Variants in PCSK2 observed in about 807,000 individuals in gnomAD.
PCSK2 encodes proprotein convertase subtilisin/kexin type 2, also known as neuroendocrine convertase 2.
In PCSK2, 14 loss-of-function variants were observed where a neutral mutation model predicts 69.7. That is an observed-to-expected ratio of 0.20 (90% CI 0.13 to 0.31). The LOEUF is 0.31. Ranked by LOEUF, PCSK2 falls within the 10% of genes least tolerant of loss-of-function variation. The probability of loss-of-function intolerance (pLI) is 1.00; values close to 1 mark genes in which losing one functional copy is unlikely to be tolerated. For missense variants in PCSK2, 544 were observed against 842.5 expected (o/e 0.65, Z 4.39); for synonymous variants, 307 against 320.7 (o/e 0.96, Z 0.46).
At chr20:17,346,262 T>A (rs150404960) in intron 2 of PCSK2, among the ~76,000 whole-genome samples, 1 of 152,312 alleles carries the variant, frequency 6.6e-6, no homozygotes, top group East Asian at 1.9e-4. Flanking sequence ...GCACTTTCTC[T>A]GTGGGCGCTG....
chr20:17,425,535 C>T (rs767459781), intron 6 of PCSK2, among the ~76,000 whole-genome samples: 4 of 152,068 alleles, frequency 2.6e-5, no homozygotes, highest in Non-Finnish European at 2.9e-5. Flanking sequence ...AACAGTTTAT[C>T]GAGTAGGATC....
intron 4 of PCSK2, among the ~76,000 whole-genome samples, chr20:17,364,929 G>A (rs1048505020): frequency 2.6e-4 from 40 of 152,224 alleles, no homozygotes; most frequent in African/African-American, 9.6e-4. Context: ...GTCAAAAAGA[G>A]TGCCCACATA....
At chr20:17,434,778 C>A (rs775567233) in intron 7 of PCSK2, among the ~76,000 whole-genome samples, 1 of 152,172 alleles carries the variant, frequency 6.6e-6, no homozygotes, top group Non-Finnish European at 1.5e-5. Context: ...CATCTTGGCA[C>A]TAGGCAAGTT....
intron 1 of PCSK2, among the ~76,000 whole-genome samples, chr20:17,236,264 C>T (rs1211251263): frequency 6.6e-6 from 1 of 151,940 alleles, no homozygotes; most frequent in Admixed American, 6.5e-5. Context: ...AATTGTTAAA[C>T]TTCAGATAAA....
At chr20:17,426,893 G>C (rs952487723) in intron 6 of PCSK2, among the ~76,000 whole-genome samples, 2 of 152,208 alleles carry the variant, frequency 1.3e-5, no homozygotes, top group Non-Finnish European at 2.9e-5. Flanking sequence ...GCAACACCTA[G>C]AATAATGTCT....
At chr20:17,282,819 T>A (rs1988370572) in intron 2 of PCSK2, among the ~76,000 whole-genome samples, 1 of 152,220 alleles carries the variant, frequency 6.6e-6, no homozygotes, top group African/African-American at 2.4e-5. Flanking sequence ...TTTATCTTTT[T>A]TTCTGTTAAT....
intron 5 of PCSK2, among the ~76,000 whole-genome samples, chr20:17,398,340 CA>C (rs780380351): frequency 3.3e-5 from 5 of 151,884 alleles, no homozygotes; most frequent in Non-Finnish European, 7.4e-5. Context: ...GCCTGGGCAA[CA>C]CAGTGAAACT....
chr20:17,335,157 G>T (rs1990308127), intron 2 of PCSK2, among the ~76,000 whole-genome samples: 1 of 151,566 alleles, frequency 6.6e-6, no homozygotes, highest in South Asian at 2.1e-4. Flanking sequence ...TCCCACTTGG[G>T]ATGCCATATA....
At chr20:17,358,898 G>A (rs923062168) in intron 3 of PCSK2, among the ~76,000 whole-genome samples, 2 of 152,212 alleles carry the variant, frequency 1.3e-5, no homozygotes, top group African/African-American at 4.8e-5. Context: ...AGCAAAAAGA[G>A]CATCTATTAA....
chr20:17,264,384 A>G (rs1253158818), intron 2 of PCSK2, among the ~76,000 whole-genome samples: 1 of 152,234 alleles, frequency 6.6e-6, no homozygotes, highest in African/African-American at 2.4e-5. Context: ...AGAAACTTCT[A>G]TCAGTCCAAT....
intron 2 of PCSK2, among the ~76,000 whole-genome samples, chr20:17,295,762 C>T (rs1250991311): frequency 6.6e-6 from 1 of 151,938 alleles, no homozygotes; most frequent in Non-Finnish European, 1.5e-5. Context: ...TACTATGTTG[C>T]CCAGGCTGTT....
chr20:17,375,040 C>A (rs748456632), intron 5 of PCSK2, among the ~76,000 whole-genome samples: 3 of 152,130 alleles, frequency 2.0e-5, no homozygotes, highest in Non-Finnish European at 4.4e-5. Flanking sequence ...ATTTTTTCAT[C>A]CGTGAAATGG....
At chr20:17,367,486 G>A (rs184941424) in intron 4 of PCSK2, among the ~76,000 whole-genome samples, 2 of 152,244 alleles carry the variant, frequency 1.3e-5, no homozygotes, top group Non-Finnish European at 2.9e-5. Context: ...GTTAGTGTCT[G>A]AGCCCAGAGT....
chr20:17,329,459 A>G (rs1457846044), intron 2 of PCSK2, among the ~76,000 whole-genome samples: 1 of 152,238 alleles, frequency 6.6e-6, no homozygotes, highest in Non-Finnish European at 1.5e-5. Flanking sequence ...ATAGAGTTCT[A>G]CTGTTAAAAA....
In PCSK2 at chr20:17,458,259, G is replaced by A. The variant is rs556353835; in HGVS notation, c.1202+1811G>A. ...ATTTTGGTGCAAGTGATTTATTAAG[G>A]AAGGGATCCCAGGAAAGGCAGTAAG... On this transcript the variant is annotated intron_variant, in intron 10 of 11. Transcript: ENST00000262545. Among the ~76,000 whole-genome samples the A allele has an allele frequency of 5.9e-5, 9 of 152,268 alleles. No individual in the cohort carries two copies. The South Asian group carries it at 1.9e-3, about 32-fold the overall frequency.
rs113341442 is a variant in PCSK2, at chr20:17,345,166, C to T, written c.283-13161C>T. Among the ~76,000 whole-genome samples, 446 of 152,226 alleles carry T rather than the reference C, an allele frequency of 2.9e-3. 1 individual carries two copies. Among genetic ancestry groups the T allele is most frequent in the Non-Finnish European group, 4.5e-3 (304 of 68,008 alleles). ...GGAGTGTGGTCAGTGTGCGTGTGCT[C>T]AGGGGAGGTGATATGGGTCATTGGA... is the stretch of plus-strand genomic sequence containing the variant. On this transcript the variant is annotated intron_variant, in intron 2 of 11. Coordinates refer to ENST00000262545, the MANE Select transcript of PCSK2 (RefSeq NM_002594.5).
intron 2 of PCSK2, among the ~76,000 whole-genome samples, chr20:17,279,607 A>G (rs887795124): frequency 1.3e-5 from 2 of 151,844 alleles, no homozygotes; most frequent in African/African-American, 4.8e-5. Context: ...AGAGTTCGAG[A>G]CCAGCCTGAC....
At chr20:17,470,381 A>G (rs1308955351) in intron 11 of PCSK2, among the ~76,000 whole-genome samples, 2 of 152,246 alleles carry the variant, frequency 1.3e-5, no homozygotes, top group Non-Finnish European at 1.5e-5. Flanking sequence ...TCTAAGGCAC[A>G]TCTGGTAGTT....
intron 2 of PCSK2, among the ~76,000 whole-genome samples, chr20:17,303,538 A>AT (rs1989219899): frequency 5.1e-5 from 2 of 38,932 alleles, no homozygotes; most frequent in African/African-American, 8.2e-5. Context: ...ATTATATTAT[A>AT]TATAATATGA....
Sources: allele counts gnomAD v4.1 joint callset (sites outside exome capture counted in the v4.1 genomes callset), GRCh38; gene constraint gnomAD v4.1.1; transcripts MANE v1.5; gene names NCBI Gene and HGNC (gene_info 2026-07-23, HGNC 2026-07-21).